HSD17B4: variants seen among roughly 807,000 people sequenced by gnomAD.
The protein encoded by HSD17B4 is hydroxysteroid 17-beta dehydrogenase 4.
A neutral mutation model predicts 101.0 loss-of-function variants in HSD17B4; 70 were observed. The ratio of observed to expected loss-of-function variants is 0.69; its 90% CI spans 0.57 to 0.85. The LOEUF is 0.85. Ranked by LOEUF, HSD17B4 falls within the 40% of genes least tolerant of loss-of-function variation. The pLI is 0.00. For synonymous variants in HSD17B4, 347 were observed against 297.1 expected (o/e 1.17, Z -1.73); for missense variants, 984 against 892.4 (o/e 1.10, Z -1.31).
intron 8 of HSD17B4, chr5:119,487,379 T>C (rs1456564579): frequency 1.3e-5 from 2 of 152,000 alleles, no homozygotes; most frequent in Admixed American, 6.6e-5. Flanking sequence ...CATCTAGTAT[T>C]GTGGAAGAAA....
chr5:119,540,472 T>A (rs1306551458), intron 23 of HSD17B4, among the ~76,000 whole-genome samples: 2 of 152,178 alleles, frequency 1.3e-5, no homozygotes, highest in Non-Finnish European at 2.9e-5. Context: ...TATTTTTACT[T>A]CTAGTAATTA....
intron 14 of HSD17B4, among the ~76,000 whole-genome samples, chr5:119,503,423 G>A (rs1751366937): frequency 6.6e-6 from 1 of 151,934 alleles, no homozygotes; most frequent in Non-Finnish European, 1.5e-5. Flanking sequence ...TTTTTTCTCA[G>A]CCTGTGCATT....
At chr5:119,531,527 T>C (rs1249514262) in intron 22 of HSD17B4, 123 bp downstream of exon 22, 2 of 928,534 alleles carry the variant, frequency 2.2e-6, no homozygotes, top group Admixed American at 2.0e-5. Flanking sequence ...TTTTTTTTCT[T>C]TTCCCGTGGG....
chr5:119,502,199 T>G, intron 14 of HSD17B4, 107 bp downstream of exon 14: 1 of 769,848 alleles, frequency 1.3e-6, no homozygotes, highest in South Asian at 1.5e-5. Flanking sequence ...TAATGAAACA[T>G]ATCACAAATT....
chr5:119,452,825 C>A (rs1393318399), intron 1 of HSD17B4, 192 bp downstream of exon 1: 1 of 1,536,142 alleles, frequency 6.5e-7, no homozygotes, highest in South Asian at 1.2e-5. Flanking sequence ...CAAGCAGGTA[C>A]AGCCCGCTTC....
At chr5:119,460,517 A>G (rs1755122563) in intron 2 of HSD17B4, among the ~76,000 whole-genome samples, 2 of 152,194 alleles carry the variant, frequency 1.3e-5, no homozygotes, top group Admixed American at 1.3e-4. Flanking sequence ...GCTATTTGTC[A>G]TTTTAAGAGC....
chr5:119,535,633 G>GT (rs1489074338), intron 22 of HSD17B4: 1 of 147,098 alleles, frequency 6.8e-6, no homozygotes, highest in African/African-American at 2.5e-5. Context: ...TTTAACCTGG[G>GT]TTTTTTTCTT....
rs750665868 is a variant in HSD17B4, at chr5:119,489,227, C to T, written c.658C>T (p.Pro220Ser). The T allele has an allele frequency of 3.2e-5, 52 of 1,612,340 alleles. No individual in the cohort carries two copies. Among genetic ancestry groups the T allele is most frequent in the South Asian group, 9.9e-5 (9 of 91,056 alleles). The change falls in exon 9 of 24, where the codon CCT becomes TCT. Residue 220 changes from proline to serine, a missense_variant. Coordinates refer to ENST00000510025, the MANE Select transcript of HSD17B4 (RefSeq NM_000414.4). ...AGCCCTGAAGCCAGAGTATGTGGCA[C>T]CTCTTGTCCTTTGGCTTTGTCACGA... ...VEALKPEYVAPLVLWLCHESC... is the reference protein window; with the variant it reads ...VEALKPEYVASLVLWLCHESC...
rs765566642 is a variant in HSD17B4 at position 119,526,042 on chromosome 5, G to A, written c.1680+19G>A. 10 of 1,295,018 alleles carry A rather than the reference G, an allele frequency of 7.7e-6. No homozygotes were observed. The highest frequency in any genetic ancestry group is 2.9e-5 in the African/African-American group (2 of 68,702). The allele number at this position is 1,295,018 out of a possible 1,614,324, so 80.2% of individuals were successfully genotyped here. A position where few individuals can be genotyped will look rare whatever the true frequency, so the allele number is the denominator to read the frequency against. ...AATTAAGGTAAATGTGTATTACTAC[G>A]TAATTTGAATATTACTTCCTTTTTC... On this transcript the variant is annotated intron_variant, in intron 19 of 23. Transcript: ENST00000510025.
At position 119,460,226 on chromosome 5, in the gene HSD17B4, T is replaced by G. The variant is rs76038590; in HGVS notation, c.112+3858T>G. Among the ~76,000 whole-genome samples, 1,119 of 152,162 alleles carry G rather than the reference T, an allele frequency of 7.4e-3. 1 individual carries two copies. The highest frequency in any genetic ancestry group is 0.011 in the Non-Finnish European group (745 of 67,994). On this transcript the variant is annotated intron_variant, in intron 2 of 23. Coordinates refer to ENST00000510025, the MANE Select transcript of HSD17B4 (RefSeq NM_000414.4). ...ATCAGGGATTAAATTTCAATGTGAG[T>G]TTTGGAGGGGCTAAATATTTAAACC... is the stretch of plus-strand genomic sequence containing the variant.
intron 13 of HSD17B4, among the ~76,000 whole-genome samples, chr5:119,501,532 T>G (rs553902635): frequency 6.6e-6 from 1 of 152,298 alleles, no homozygotes; most frequent in Admixed American, 6.5e-5. Context: ...GTAGATAATT[T>G]ACAAAGTATT....
Position 119,492,132 on chromosome 5 carries a change from T to C in HSD17B4, c.739+8T>C, listed in dbSNP as rs2126751803. The C allele has an allele frequency of 1.9e-6, 3 of 1,603,664 alleles. No individual in the cohort carries two copies. The South Asian group carries it at 3.3e-5, about 18-fold the overall frequency. ...CAGGATGGATTGGAAAATGTAAGTC[T>C]CTCTCAGTTTTTGGTTTGTATAGAT... is the stretch of plus-strand genomic sequence containing the variant. On this transcript the variant is annotated splice_region_variant and intron_variant, in intron 10 of 23. Coordinates refer to ENST00000510025, the MANE Select transcript of HSD17B4 (RefSeq NM_000414.4).
At chr5:119,527,298 A>G (rs563934800) in intron 20 of HSD17B4, 79 bp downstream of exon 20, 11 of 786,200 alleles carry the variant, frequency 1.4e-5, no homozygotes, top group Middle Eastern at 3.1e-4. Context: ...GGTTAGTACT[A>G]TGGATAGAAA....
At chr5:119,538,118 A>C (rs143044278) in intron 23 of HSD17B4, among the ~76,000 whole-genome samples, 1 of 152,282 alleles carries the variant, frequency 6.6e-6, no homozygotes, top group Non-Finnish European at 1.5e-5. Context: ...TGTCAAACTT[A>C]CTGTGACCAA....
At chr5:119,490,241 G>A (rs1483513433) in intron 9 of HSD17B4, among the ~76,000 whole-genome samples, 1 of 152,140 alleles carries the variant, frequency 6.6e-6, no homozygotes, top group South Asian at 2.1e-4. Context: ...GTGAATTGTG[G>A]CATAGTAGAG....
intron 17 of HSD17B4, among the ~76,000 whole-genome samples, chr5:119,522,507 A>C (rs1580688778): frequency 6.6e-6 from 1 of 151,874 alleles, no homozygotes; most frequent in South Asian, 2.1e-4. Flanking sequence ...GAGGAATTGC[A>C]ATTTTAGTTT....
intron 20 of HSD17B4, among the ~76,000 whole-genome samples, chr5:119,528,999 ATAAAG>A (rs1442004092): frequency 2.6e-5 from 4 of 152,144 alleles, no homozygotes; most frequent in African/African-American, 9.6e-5. Flanking sequence ...TTTGGTAACA[ATAAAG>A]TAATTTACTG....
intron 6 of HSD17B4, among the ~76,000 whole-genome samples, chr5:119,476,965 G>A (rs1748645889): frequency 6.6e-6 from 1 of 152,088 alleles, no homozygotes; most frequent in African/African-American, 2.4e-5. Context: ...GTGAAAACAG[G>A]CCTCTCACTA....
intron 2 of HSD17B4, among the ~76,000 whole-genome samples, chr5:119,470,001 G>A (rs190630077): frequency 6.6e-6 from 1 of 152,242 alleles, no homozygotes; most frequent in East Asian, 1.9e-4. Flanking sequence ...CCATGGGAGG[G>A]GGAAGGGTTG....
Sources: allele counts gnomAD v4.1 joint callset (sites outside exome capture counted in the v4.1 genomes callset), GRCh38; gene constraint gnomAD v4.1.1; transcripts MANE v1.5; gene names NCBI Gene and HGNC (gene_info 2026-07-23, HGNC 2026-07-21).